Variants in RALGAPA2 observed in about 807,000 individuals in gnomAD.
The protein encoded by RALGAPA2 is ral GTPase-activating protein subunit alpha-2.
In RALGAPA2, 139 loss-of-function variants were observed where a neutral mutation model predicts 230.4. The ratio of observed to expected loss-of-function variants is 0.60; its 90% CI spans 0.53 to 0.69. The LOEUF is 0.69. Among genes scored for constraint, RALGAPA2 ranks in the 30% least tolerant of loss-of-function variants. The probability of loss-of-function intolerance (pLI) is 0.00; values close to 1 mark genes in which losing one functional copy is unlikely to be tolerated. For synonymous variants in RALGAPA2, 847 were observed against 837.8 expected (o/e 1.01, Z -0.19); for missense variants, 2,163 against 2,276.0 (o/e 0.95, Z 1.01).
At chr20:20,703,906 T>C (rs946725288) in intron 1 of RALGAPA2, among the ~76,000 whole-genome samples, 10 of 152,194 alleles carry the variant, frequency 6.6e-5, no homozygotes, top group African/African-American at 1.7e-4. Flanking sequence ...TCATTCTATA[T>C]AGATTTTCCG....
chr20:20,490,890 ACACACT>A (rs1263855100), intron 36 of RALGAPA2, among the ~76,000 whole-genome samples: 252 of 151,376 alleles, frequency 1.7e-3, no homozygotes, highest in African/African-American at 6.0e-3. Flanking sequence ...ACACACACAC[ACACACT>A]CACACTCACT....
At chr20:20,648,779 G>A (rs1027939624) in intron 4 of RALGAPA2, among the ~76,000 whole-genome samples, 1 of 152,114 alleles carries the variant, frequency 6.6e-6, no homozygotes, top group African/African-American at 2.4e-5. Flanking sequence ...GCAACCAGGA[G>A]GTAGAAGATG....
Position 20,446,414 on chromosome 20 carries a change from T to C in RALGAPA2, c.5495+26415A>G, listed in dbSNP as rs186866088. On this transcript the variant is annotated intron_variant, in intron 37 of 39. Coordinates refer to ENST00000202677, the MANE Select transcript of RALGAPA2 (RefSeq NM_020343.4). ...CAGTGAAAGAGGTAAATTTTCAAAC[T>C]ATTCTGCTGCCATTACTTTTAAAGG... is the stretch of plus-strand genomic sequence containing the variant. Among the ~76,000 whole-genome samples, 15 of 152,364 alleles carry C rather than the reference T, an allele frequency of 9.8e-5. No homozygotes were observed. The East Asian group carries it at 2.9e-3, about 29-fold the overall frequency.
At chr20:20,539,301 G>A (rs1315947425) in intron 24 of RALGAPA2, among the ~76,000 whole-genome samples, 1 of 152,060 alleles carries the variant, frequency 6.6e-6, no homozygotes, top group Non-Finnish European at 1.5e-5. Flanking sequence ...GTGTGCTCCA[G>A]CCCAAACACC....
Position 20,437,377 on chromosome 20 carries a change from T to C in RALGAPA2, c.5496-25229A>G, listed in dbSNP as rs1170468569. Among the ~76,000 whole-genome samples, 1 of 152,054 alleles carries C rather than the reference T, an allele frequency of 6.6e-6. No individual in the cohort carries two copies. Among genetic ancestry groups the C allele is most frequent in the Admixed American group, 6.5e-5 (1 of 15,274 alleles). On this transcript the variant is annotated intron_variant, in intron 37 of 39. Transcript: ENST00000202677. The surrounding 1 kb of genome is among the most constrained non-coding windows in gnomAD (Gnocchi z 4.1). ...TCCAGGCCACGCCATTGTCATTTCG[T>C]TCCTGGATTATGGCTGTGGCCTCCT... is the stretch of plus-strand genomic sequence containing the variant.
At chr20:20,435,516 GT>G (rs1335664400) in intron 37 of RALGAPA2, among the ~76,000 whole-genome samples, 1 of 152,242 alleles carries the variant, frequency 6.6e-6, no homozygotes, top group African/African-American at 2.4e-5. Context: ...TGAATAAAGT[GT>G]ACGGAATCAT....
At chr20:20,572,714 CAT>C (rs1367381639) in intron 21 of RALGAPA2, among the ~76,000 whole-genome samples, 159 bp downstream of exon 21, 3 of 152,098 alleles carry the variant, frequency 2.0e-5, no homozygotes, top group Non-Finnish European at 4.4e-5. Flanking sequence ...ATAAAATAGT[CAT>C]GTTATATATG....
chr20:20,548,927 C>A (rs1170773186), intron 23 of RALGAPA2, among the ~76,000 whole-genome samples: 1 of 152,174 alleles, frequency 6.6e-6, no homozygotes, highest in Non-Finnish European at 1.5e-5. Context: ...AGGATTCGTG[C>A]AAACCTGGCT....
chr20:20,545,854 T>TA (rs2063761788), intron 24 of RALGAPA2, among the ~76,000 whole-genome samples: 1 of 152,132 alleles, frequency 6.6e-6, no homozygotes, highest in Non-Finnish European at 1.5e-5. Flanking sequence ...CATTTAAGGC[T>TA]AGGAGTTTGA....
Position 20,465,149 on chromosome 20 carries a change from T to TCTCTCA in RALGAPA2, c.5495+7679_5495+7680insTGAGAG, listed in dbSNP as rs1556066770. Among the ~76,000 whole-genome samples, 10 of 109,210 alleles carry TCTCTCA rather than the reference T, an allele frequency of 9.2e-5. 1 individual carries two copies. Among genetic ancestry groups the TCTCTCA allele is most frequent in the Non-Finnish European group, 1.5e-4 (8 of 54,710 alleles). 71.6% of individuals were successfully genotyped at this position (109,210 alleles called of 152,430 possible). A position where few individuals can be genotyped will look rare whatever the true frequency, so the allele number is the denominator to read the frequency against. On this transcript the variant is annotated intron_variant, in intron 37 of 39. Coordinates refer to ENST00000202677, the MANE Select transcript of RALGAPA2 (RefSeq NM_020343.4). ...GCTTCTTCCCTCCCCCCGCAGGCCT[T>TCTCTCA]CACACACACACACACACACACACAC...
intron 20 of RALGAPA2, 81 bp from the exon 21 acceptor site, chr20:20,573,149 AGGTATTC>A: frequency 8.2e-7 from 1 of 1,224,632 alleles, no homozygotes; most frequent in Non-Finnish European, 1.1e-6. Flanking sequence ...AAATTACCTT[AGGTATTC>A]AAAGTAAAAT....
intron 38 of RALGAPA2, among the ~76,000 whole-genome samples, chr20:20,401,708 G>A (rs902614062): frequency 6.6e-6 from 1 of 152,202 alleles, no homozygotes; most frequent in African/African-American, 2.4e-5. Context: ...GTATTTGTGT[G>A]AGGTGTCTGA....
intron 9 of RALGAPA2, among the ~76,000 whole-genome samples, chr20:20,631,654 A>C (rs1294240722): frequency 2.6e-5 from 4 of 152,176 alleles, no homozygotes; most frequent in Admixed American, 6.5e-5. Flanking sequence ...CAATAACTTG[A>C]TTTTGGATTT....
intron 3 of RALGAPA2, among the ~76,000 whole-genome samples, chr20:20,666,563 G>A (rs1382076335): frequency 6.6e-6 from 1 of 152,184 alleles, no homozygotes; most frequent in Non-Finnish European, 1.5e-5. Flanking sequence ...ACCTCGGCAT[G>A]GGAGGAGGGA....
In RALGAPA2 at chr20:20,487,924, A is replaced by AAAG. The variant is rs1279781937; in HGVS notation, c.5367+7192_5367+7193insCTT. Among the ~76,000 whole-genome samples the AAAG allele has an allele frequency of 2.0e-5, 3 of 152,170 alleles. No homozygotes were observed. The East Asian group carries it at 5.8e-4, about 29-fold the overall frequency. The stretch of plus-strand genomic sequence containing the variant: ...CAGACTCGGTCTCGAAAAAAAAAAA[A>AAAG]AAAAAGTTTTTCTTGAGGGCAGACT... On this transcript the variant is annotated intron_variant, in intron 36 of 39. Transcript: ENST00000202677.
At chr20:20,645,923 C>T (rs1037674480) in intron 4 of RALGAPA2, among the ~76,000 whole-genome samples, 1 of 151,366 alleles carries the variant, frequency 6.6e-6, no homozygotes, top group Non-Finnish European at 1.5e-5. Context: ...GACAGGGCAT[C>T]AGCTATTCTC....
At chr20:20,707,925 T>C (rs887419053) in intron 1 of RALGAPA2, among the ~76,000 whole-genome samples, 1 of 152,170 alleles carries the variant, frequency 6.6e-6, no homozygotes, top group African/African-American at 2.4e-5. Context: ...CTCTTCCATC[T>C]TCCCCTGGTT....
chr20:20,499,949 T>A (rs375799826), intron 35 of RALGAPA2, among the ~76,000 whole-genome samples: 80 of 152,360 alleles, frequency 5.3e-4, no homozygotes, highest in African/African-American at 1.8e-3. Context: ...AAGCAAATCA[T>A]ATAAACTTTT....
chr20:20,533,414 A>T (rs2063417386), intron 26 of RALGAPA2, among the ~76,000 whole-genome samples: 1 of 152,184 alleles, frequency 6.6e-6, no homozygotes, highest in South Asian at 2.1e-4. Context: ...AGTCACTACA[A>T]ACATGTAAAA....
Sources: allele counts gnomAD v4.1 joint callset (sites outside exome capture counted in the v4.1 genomes callset), GRCh38; gene constraint gnomAD v4.1.1; non-coding constraint Gnocchi (gnomAD v3.1); transcripts MANE v1.5; gene names NCBI Gene and HGNC (gene_info 2026-07-23, HGNC 2026-07-21).